SDK2: variants seen among roughly 807,000 people sequenced by gnomAD.
SDK2 encodes the protein sidekick cell adhesion molecule 2.
In SDK2, 105 loss-of-function variants were observed where a neutral mutation model predicts 253.9. The ratio of observed to expected loss-of-function variants is 0.41; its 90% confidence interval spans 0.35 to 0.49. The LOEUF (loss-of-function observed/expected upper bound fraction) is 0.49. SDK2 is among the 20% of genes least tolerant of loss of function. The probability of loss-of-function intolerance (pLI) is 0.06; values close to 1 mark genes in which losing one functional copy is unlikely to be tolerated. For missense variants in SDK2, 2,608 were observed against 3,003.0 expected (o/e 0.87, Z 3.07); for synonymous variants, 1,249 against 1,234.9 (o/e 1.01, Z -0.24).
At chr17:73,514,856 G>T (rs2064011678) in intron 1 of SDK2, among the ~76,000 whole-genome samples, 1 of 152,156 alleles carries the variant, frequency 6.6e-6, no homozygotes, top group Admixed American at 6.5e-5. Flanking sequence ...GTCCTGGACT[G>T]ATTACCACGG....
chr17:73,347,164 C>G (rs1279668566), intron 44 of SDK2, among the ~76,000 whole-genome samples: 1 of 152,124 alleles, frequency 6.6e-6, no homozygotes, highest in Non-Finnish European at 1.5e-5. Flanking sequence ...CATTTGAGAC[C>G]AGCCTGGCCA....
At chr17:73,347,471 G>A (rs1472160259) in intron 44 of SDK2, among the ~76,000 whole-genome samples, 2 of 152,204 alleles carry the variant, frequency 1.3e-5, no homozygotes, top group Non-Finnish European at 2.9e-5. Flanking sequence ...GTTAGGTCCA[G>A]CCTTCTCAGC....
At chr17:73,568,174 A>C (rs1353630283) in intron 1 of SDK2, among the ~76,000 whole-genome samples, 3 of 152,084 alleles carry the variant, frequency 2.0e-5, no homozygotes, top group Non-Finnish European at 4.4e-5. Context: ...TAATGGGTGA[A>C]TTCTCGCTCT....
chr17:73,610,111 G>A lies in SDK2; in HGVS notation c.64+33914C>T, dbSNP rs573956845. ...TCCCTGGGGAGATGACACTGGTCTCGGGGAGACACTAAAAGCCTAGGATGC... is the reference window on the plus strand; with the variant it reads ...TCCCTGGGGAGATGACACTGGTCTCAGGGAGACACTAAAAGCCTAGGATGC... On this transcript the variant is annotated intron_variant, in intron 1 of 44. Transcript: ENST00000392650. 1.1e-4 allele frequency among the ~76,000 whole-genome samples: 17 copies of A among 152,346 alleles called. No individual in the cohort carries two copies. The South Asian group carries it at 2.7e-3, about 24-fold the overall frequency.
At chr17:73,506,938 T>A (rs2063940306) in intron 2 of SDK2, among the ~76,000 whole-genome samples, 1 of 152,238 alleles carries the variant, frequency 6.6e-6, no homozygotes, top group South Asian at 2.1e-4. Context: ...GAAGTGAAGA[T>A]AAGCTCAAGA....
intron 22 of SDK2, 146 bp from the exon 23 acceptor site, chr17:73,398,575 C>T (rs991348236): frequency 3.2e-6 from 2 of 629,058 alleles, no homozygotes; most frequent in Non-Finnish European, 5.6e-6. Context: ...ACCATCTTTC[C>T]AGGCCCCTAA....
chr17:73,625,452 C>T (rs2046189541), intron 1 of SDK2, among the ~76,000 whole-genome samples: 1 of 152,182 alleles, frequency 6.6e-6, no homozygotes, highest in Non-Finnish European at 1.5e-5. Flanking sequence ...GAGCAGGAAA[C>T]TGAGGCCTGG....
At position 73,643,162 on chromosome 17, in the gene SDK2, C is replaced by T. The variant is rs1165209575; in HGVS notation, c.64+863G>A. 1 of 152,398 alleles carries T rather than the reference C, an allele frequency of 6.6e-6. No homozygotes were observed. Among genetic ancestry groups the T allele is most frequent in the African/African-American group, 2.4e-5 (1 of 41,462 alleles). 9.4% of individuals were successfully genotyped at this position (152,398 alleles called of 1,614,324 possible). A position where few individuals can be genotyped will look rare whatever the true frequency, so the allele number is the denominator to read the frequency against. ...GGGGACCAGGGGGACGTCTGGGCAT[C>T]CACCCTCAGGAAGCGGGCAGCGCAG... On this transcript the variant is annotated intron_variant, in intron 1 of 44. Transcript: ENST00000392650. This position sits in a 1 kb window ranked among gnomAD's most constrained non-coding sequence, Gnocchi z 6.9.
At position 73,528,363 on chromosome 17, in the gene SDK2, G is replaced by A. The variant is rs76160028; in HGVS notation, c.65-20766C>T. 2.4e-3 allele frequency among the ~76,000 whole-genome samples: 364 copies of A among 152,300 alleles called. 2 individuals carry two copies. Among genetic ancestry groups the A allele is most frequent in the African/African-American group, 8.2e-3 (341 of 41,544 alleles). On this transcript the variant is annotated intron_variant, in intron 1 of 44. Coordinates refer to ENST00000392650, the MANE Select transcript of SDK2 (RefSeq NM_001144952.2). ...GCAGGTGCAGTGAAAGAAGTAACACGTATGAAGAGCTTGCAATGTGCCAGG... is the reference window on the plus strand; with the variant it reads ...GCAGGTGCAGTGAAAGAAGTAACACATATGAAGAGCTTGCAATGTGCCAGG...
Position 73,629,031 on chromosome 17 carries a change from T to C in SDK2, c.64+14994A>G, listed in dbSNP as rs932113699. 6.6e-6 allele frequency among the ~76,000 whole-genome samples: 1 copy of C among 151,900 alleles called. No individual in the cohort carries two copies. Among genetic ancestry groups the C allele is most frequent in the Non-Finnish European group, 1.5e-5 (1 of 67,978 alleles). On this transcript the variant is annotated intron_variant, in intron 1 of 44. Coordinates refer to ENST00000392650, the MANE Select transcript of SDK2 (RefSeq NM_001144952.2). This position sits in a 1 kb window ranked among gnomAD's most constrained non-coding sequence, Gnocchi z 5.0. ...ACGTGGGGGATGGTGCCAAGGAGGG[T>C]CCAGAGAACTCAGTCCTGCCAGAGA...
intron 37 of SDK2, among the ~76,000 whole-genome samples, chr17:73,367,798 C>T (rs1249790137): frequency 6.6e-6 from 1 of 152,218 alleles, no homozygotes; most frequent in Non-Finnish European, 1.5e-5. Flanking sequence ...GCCACCATGC[C>T]TGGCCCCTGC....
intron 40 of SDK2, among the ~76,000 whole-genome samples, chr17:73,354,599 C>T (rs1205194888): frequency 6.6e-6 from 1 of 152,212 alleles, no homozygotes; most frequent in Non-Finnish European, 1.5e-5. Flanking sequence ...CCAGACCCCT[C>T]TTCACAGTAG....
chr17:73,416,380 A>G (rs2063182813), intron 16 of SDK2, among the ~76,000 whole-genome samples: 1 of 151,654 alleles, frequency 6.6e-6, no homozygotes, highest in Admixed American at 6.6e-5. Flanking sequence ...TATTTTTAGT[A>G]GAGACAGGGT....
At chr17:73,617,913 G>A (rs960685189) in intron 1 of SDK2, among the ~76,000 whole-genome samples, 4 of 151,962 alleles carry the variant, frequency 2.6e-5, no homozygotes, top group Non-Finnish European at 2.9e-5. Flanking sequence ...ACCCTGTTTT[G>A]AGAACACATC....
intron 1 of SDK2, among the ~76,000 whole-genome samples, chr17:73,628,985 C>A (rs772048312): frequency 3.5e-4 from 53 of 152,178 alleles, no homozygotes; most frequent in Non-Finnish European, 5.3e-4. Flanking sequence ...GCTCTCCCAC[C>A]TCCCAATTCT....
chr17:73,544,409 C>T (rs2044922668), intron 1 of SDK2, among the ~76,000 whole-genome samples: 1 of 152,230 alleles, frequency 6.6e-6, no homozygotes, highest in African/African-American at 2.4e-5. Context: ...TTGCCTGGCA[C>T]ATTGATCTTT....
At chr17:73,580,731 C>T (rs78091799) in intron 1 of SDK2, among the ~76,000 whole-genome samples, 2,093 of 152,292 alleles carry the variant, frequency 0.014, 59 homozygotes, top group African/African-American at 0.049. Flanking sequence ...GGCTGAGTAT[C>T]CTGTATGTAA....
At chr17:73,399,406 G>A (rs2063002866) in intron 21 of SDK2, 117 bp from the exon 22 acceptor site, 4 of 1,110,918 alleles carry the variant, frequency 3.6e-6, no homozygotes, top group Non-Finnish European at 5.2e-6. Context: ...AATGTCTGAG[G>A]AGAAGCACAG....
At chr17:73,613,996 C>G (rs1437322893) in intron 1 of SDK2, among the ~76,000 whole-genome samples, 1 of 152,254 alleles carries the variant, frequency 6.6e-6, no homozygotes, top group African/African-American at 2.4e-5. Flanking sequence ...AAAGAAAACA[C>G]CACTGCTCCT....
Sources: gnomAD v4.1 joint callset for allele counts (sites outside exome capture counted in the v4.1 genomes callset) on GRCh38, gnomAD v4.1.1 for gene constraint, Gnocchi (gnomAD v3.1) non-coding constraint, MANE v1.5 for transcripts, NCBI Gene and HGNC (gene_info 2026-07-23, HGNC 2026-07-21) for gene names.